Variants in SYCP2L observed in about 807,000 individuals in gnomAD.
The protein encoded by SYCP2L is synaptonemal complex protein 2-like.
Under a neutral mutation model 125.8 loss-of-function variants are expected in SYCP2L, and 98 were observed. That is an observed-to-expected ratio of 0.78 (90% confidence interval 0.66 to 0.92). The LOEUF is 0.92. Ranked by LOEUF, SYCP2L falls within the 40% of genes least tolerant of loss-of-function variation. The pLI, the probability that SYCP2L is intolerant of heterozygous loss-of-function variation, is 0.00. For missense variants in SYCP2L, 842 were observed against 936.4 expected (o/e 0.90, Z 1.32); for synonymous variants, 317 against 325.4 (o/e 0.97, Z 0.28).
At chr6:10,973,867 C>T (rs1781816300) in intron 29 of SYCP2L, 85 bp from the exon 30 acceptor site, 1 of 152,236 alleles carries the variant, frequency 6.6e-6, no homozygotes. Flanking sequence ...AATGATGCTC[C>T]TATTGGCTCA....
intron 15 of SYCP2L, among the ~76,000 whole-genome samples, chr6:10,926,071 G>A (rs1200575179): frequency 1.3e-5 from 2 of 152,184 alleles, no homozygotes; most frequent in African/African-American, 4.8e-5. Flanking sequence ...AATGGGGTAA[G>A]ACCTGGGCCA....
intron 6 of SYCP2L, among the ~76,000 whole-genome samples, chr6:10,900,238 T>C (rs1323770543): frequency 2.0e-5 from 3 of 152,040 alleles, no homozygotes; most frequent in Non-Finnish European, 4.4e-5. Context: ...ATTCTGGTGA[T>C]GGCCTCTTTC....
chr6:10,961,517 G>A lies in SYCP2L; in HGVS notation c.2373G>A (p.Gln791=), dbSNP rs374364251. Residue 791 remains glutamine (Q), a synonymous_variant, in exon 28 of 30, where the codon CAG becomes CAA. Transcript: ENST00000283141. ...AATCTTAGGAATTCTGGGGGAAACA[G>A]TCTGCTGATCTGCAATCTTTCTGTG... ...EKEVLEFWGK[Q]SADLQSFCDL... is the part of the protein sequence containing the mutation. 8.5e-5 allele frequency: 137 copies of A among 1,614,062 alleles called. No homozygotes were observed. The highest frequency in any genetic ancestry group is 1.1e-4 in the Non-Finnish European group (135 of 1,180,026).
At chr6:10,953,962 AGACC>A in intron 23 of SYCP2L, among the ~76,000 whole-genome samples, 1 of 140,118 alleles carries the variant, frequency 7.1e-6, no homozygotes, top group East Asian at 2.1e-4. Context: ...CCTTGAGGTA[AGACC>A]GTGCCTGGGA....
rs139677216 is a variant in SYCP2L at position 10,888,454 on chromosome 6, C to T, written c.9+1319C>T. 1.8e-4 allele frequency among the ~76,000 whole-genome samples: 27 copies of T among 152,132 alleles called. No homozygotes were observed. The East Asian group carries it at 4.8e-3, about 27-fold the overall frequency. ...CAGAGAATCTAACGATCTTTTCTGC[C>T]TAAACCATCCCACTTTCTGATTTTC... is the stretch of plus-strand genomic sequence containing the variant. On this transcript the variant is annotated intron_variant, in intron 1 of 29. Coordinates refer to ENST00000283141, the MANE Select transcript of SYCP2L (RefSeq NM_001040274.3).
In SYCP2L at chr6:10,924,507, A is replaced by G. The variant is rs371984197; in HGVS notation, c.1084A>G (p.Ile362Val). ...MNFSITETEKIKIFIIYLKKP... is the reference protein window; with the variant it reads ...MNFSITETEKVKIFIIYLKKP... ...ATATTTTCTCTTAGAAACGGAGAAG[A>G]TAAAGATATTTATCATTTACCTGAA... The change falls in exon 15 of 30, where the codon ATA becomes GTA. Residue 362 changes from isoleucine (I) to valine (V), a missense_variant. Transcript: ENST00000283141. 195 of 1,581,236 alleles carry G rather than the reference A, an allele frequency of 1.2e-4. No homozygotes were observed. Among genetic ancestry groups the G allele is most frequent in the Non-Finnish European group, 1.6e-4 (184 of 1,170,222 alleles).
rs1025240434 is a variant in SYCP2L, at chr6:10,912,401, T to A, written c.919-272T>A. Reference sequence around the variant, plus strand: ...TCCGTGATTTTCATTAGAAAAAAAATTGTGTGGATAGAATAATGTGACACA... The same window carrying A: ...TCCGTGATTTTCATTAGAAAAAAAAATGTGTGGATAGAATAATGTGACACA... On this transcript the variant is annotated intron_variant, in intron 12 of 29. Coordinates refer to ENST00000283141, the MANE Select transcript of SYCP2L (RefSeq NM_001040274.3). The surrounding 1 kb of genome is among the most constrained non-coding windows in gnomAD (Gnocchi z 4.1). Among the ~76,000 whole-genome samples the A allele has an allele frequency of 6.6e-6, 1 of 152,030 alleles. No homozygotes were observed. Among genetic ancestry groups the A allele is most frequent in the Admixed American group, 6.6e-5 (1 of 15,246 alleles).
chr6:10,951,861 T>C (rs1445762985), intron 23 of SYCP2L, among the ~76,000 whole-genome samples: 1 of 152,200 alleles, frequency 6.6e-6, no homozygotes, highest in African/African-American at 2.4e-5. Flanking sequence ...TAACAGAAGT[T>C]TTGTAAGTTG....
chr6:10,914,818 C>A (rs576257549), intron 14 of SYCP2L, among the ~76,000 whole-genome samples: 2 of 145,356 alleles, frequency 1.4e-5, no homozygotes, highest in Non-Finnish European at 3.0e-5. Context: ...GTGATCTCAA[C>A]TCACTGCAAC....
At chr6:10,971,922 C>G (rs1781782353) in intron 29 of SYCP2L, among the ~76,000 whole-genome samples, 1 of 152,114 alleles carries the variant, frequency 6.6e-6, no homozygotes, top group South Asian at 2.1e-4. Flanking sequence ...GTGATCCACC[C>G]ACTTTGGCCT....
chr6:10,920,869 G>A (rs933768471), intron 14 of SYCP2L, among the ~76,000 whole-genome samples: 1 of 151,640 alleles, frequency 6.6e-6, no homozygotes, highest in African/African-American at 2.4e-5. Flanking sequence ...GGGTACATGT[G>A]CAGGATGTAC....
At chr6:10,966,341 T>G (rs189591042) in intron 29 of SYCP2L, among the ~76,000 whole-genome samples, 110 of 152,302 alleles carry the variant, frequency 7.2e-4, no homozygotes, top group African/African-American at 2.5e-3. Flanking sequence ...CATTTGAAAA[T>G]TCTACATCTG....
intron 29 of SYCP2L, among the ~76,000 whole-genome samples, chr6:10,968,513 A>G (rs1405744046): frequency 6.6e-6 from 1 of 152,160 alleles, no homozygotes; most frequent in Non-Finnish European, 1.5e-5. Context: ...GTCATGGGAT[A>G]TCAGAGGAAA....
At chr6:10,927,081 G>A (rs1332253304) in intron 16 of SYCP2L, among the ~76,000 whole-genome samples, 159 bp from the exon 17 acceptor site, 4 of 152,104 alleles carry the variant, frequency 2.6e-5, no homozygotes, top group African/African-American at 9.7e-5. Context: ...ATGCCAGCCT[G>A]TACCCATAGC....
intron 21 of SYCP2L, among the ~76,000 whole-genome samples, chr6:10,936,463 C>T (rs369179749): frequency 5.3e-5 from 8 of 150,736 alleles, no homozygotes; most frequent in East Asian, 2.0e-4. Flanking sequence ...CCAGCCTGGG[C>T]GACAGAGTGA....
At chr6:10,953,797 G>A (rs971569202) in intron 23 of SYCP2L, among the ~76,000 whole-genome samples, 3 of 152,208 alleles carry the variant, frequency 2.0e-5, no homozygotes, top group African/African-American at 7.2e-5. Context: ...TATGTTGTAT[G>A]TGATAAAGGC....
intron 29 of SYCP2L, among the ~76,000 whole-genome samples, chr6:10,972,820 G>T (rs1781797992): frequency 6.6e-6 from 1 of 152,130 alleles, no homozygotes; most frequent in African/African-American, 2.4e-5. Context: ...CTGCCACCAT[G>T]CCCAGCTTCC....
intron 10 of SYCP2L, among the ~76,000 whole-genome samples, chr6:10,908,283 T>C (rs1430189512): frequency 1.3e-5 from 2 of 152,086 alleles, no homozygotes; most frequent in Non-Finnish European, 2.9e-5. Context: ...GAACCTTGAA[T>C]GGTAGGAAGA....
intron 6 of SYCP2L, among the ~76,000 whole-genome samples, chr6:10,899,985 A>G (rs1489682185): frequency 6.6e-6 from 1 of 152,216 alleles, no homozygotes; most frequent in African/African-American, 2.4e-5. Context: ...TATATACTGC[A>G]TATTTGAAAA....
Sources: gnomAD v4.1 joint callset for allele counts (sites outside exome capture counted in the v4.1 genomes callset) on GRCh38, gnomAD v4.1.1 for gene constraint, Gnocchi (gnomAD v3.1) non-coding constraint, MANE v1.5 for transcripts, NCBI Gene and HGNC (gene_info 2026-07-23, HGNC 2026-07-21) for gene names.